The following LIX1 variants were observed in gnomAD, a reference collection of about 807,000 sequenced individuals.
LIX1 encodes protein limb expression 1 homolog.
Under a neutral mutation model 33.4 loss-of-function variants are expected in LIX1, and 24 were observed. The observed-to-expected ratio is 0.72, with a 90% CI of 0.52 to 1.01. LIX1 has a LOEUF of 1.01. LIX1 is among the 50% of genes least tolerant of loss of function. LIX1 has a pLI of 0.00. For missense variants in LIX1, 311 were observed against 339.2 expected, an observed-to-expected ratio of 0.92 and a Z score of 0.65; for synonymous variants, 124 against 124.0, an observed-to-expected ratio of 1.00 and a Z score of 0.00.
At chr5:97,140,714 C>A (rs1343142470) in intron 1 of LIX1, among the ~76,000 whole-genome samples, 1 of 152,164 alleles carries the variant, frequency 6.6e-6, no homozygotes, top group Non-Finnish European at 1.5e-5. Flanking sequence ...AGGAAAACTC[C>A]TGGTACAGAA....
At chr5:97,125,119 C>T (rs556924509) in intron 1 of LIX1, among the ~76,000 whole-genome samples, 3 of 152,276 alleles carry the variant, frequency 2.0e-5, no homozygotes, top group Non-Finnish European at 2.9e-5. Flanking sequence ...CTCTTTCATG[C>T]TCCTTCCACC....
intron 4 of LIX1, among the ~76,000 whole-genome samples, chr5:97,100,791 T>A (rs988675552): frequency 2.0e-5 from 3 of 151,474 alleles, no homozygotes; most frequent in African/African-American, 7.3e-5. Context: ...AGGAAGTTAG[T>A]GTAGTCAGGT....
At position 97,105,300 on chromosome 5, in the gene LIX1, C is replaced by A. The variant is rs1012688350; in HGVS notation, c.388-15G>T. The stretch of plus-strand genomic sequence containing the variant: ...TCTAAGGTGCCCTTGGGAAAGAAAG[C>A]AGAAAAAGAAAAATTACTGATTTTT... On this transcript the variant is annotated splice_polypyrimidine_tract_variant and intron_variant, in intron 3 of 5. Coordinates refer to ENST00000274382, the MANE Select transcript of LIX1 (RefSeq NM_153234.5). 1 of 1,605,678 alleles carries A rather than the reference C, an allele frequency of 6.2e-7. No individual in the cohort carries two copies. Among genetic ancestry groups the A allele is most frequent in the South Asian group, 1.1e-5 (1 of 90,690 alleles).
intron 2 of LIX1, among the ~76,000 whole-genome samples, chr5:97,120,765 G>A (rs1747759311): frequency 6.6e-6 from 1 of 152,166 alleles, no homozygotes; most frequent in Non-Finnish European, 1.5e-5. Flanking sequence ...TTTATTGCCA[G>A]AGTAAGGAAT....
chr5:97,095,925 C>G (rs1358332066), intron 5 of LIX1, among the ~76,000 whole-genome samples: 1 of 152,026 alleles, frequency 6.6e-6, no homozygotes, highest in African/African-American at 2.4e-5. Flanking sequence ...AAAAACAAAA[C>G]CAAAGCCATT....
intron 1 of LIX1, among the ~76,000 whole-genome samples, chr5:97,126,693 G>A (rs145396409): frequency 0.011 from 1,617 of 141,760 alleles, 24 homozygotes; most frequent in African/African-American, 0.041. Flanking sequence ...AGGCTGGAGT[G>A]CAGTGGCACG....
At chr5:97,113,760 A>G (rs1403699609) in intron 2 of LIX1, among the ~76,000 whole-genome samples, 4 of 152,244 alleles carry the variant, frequency 2.6e-5, no homozygotes, top group African/African-American at 9.6e-5. Context: ...AAGGTCACAT[A>G]GCACTCTCTA....
chr5:97,120,874 T>A (rs916965043), intron 2 of LIX1, among the ~76,000 whole-genome samples: 1 of 152,182 alleles, frequency 6.6e-6, no homozygotes, highest in African/African-American at 2.4e-5. Flanking sequence ...TTGCAAAGAT[T>A]GTAAAGAGTT....
intron 2 of LIX1, among the ~76,000 whole-genome samples, chr5:97,108,649 T>A (rs1382531138): frequency 2.0e-5 from 3 of 152,072 alleles, no homozygotes; most frequent in Non-Finnish European, 4.4e-5. Flanking sequence ...GTGTCTAGGA[T>A]CTTGGACTCC....
chr5:97,114,114 C>T (rs760203732), intron 2 of LIX1, among the ~76,000 whole-genome samples: 4 of 152,132 alleles, frequency 2.6e-5, no homozygotes, highest in African/African-American at 4.8e-5. Flanking sequence ...TGATGAAGTA[C>T]GGGGCCAAGA....
intron 4 of LIX1, among the ~76,000 whole-genome samples, chr5:97,103,859 G>T (rs1181252877): frequency 2.0e-5 from 3 of 151,916 alleles, no homozygotes; most frequent in Admixed American, 1.3e-4. Flanking sequence ...CAGCTACTCA[G>T]GAGGCTGAGG....
intron 1 of LIX1, among the ~76,000 whole-genome samples, chr5:97,131,967 C>T (rs775773927): frequency 5.3e-5 from 8 of 152,222 alleles, no homozygotes; most frequent in Non-Finnish European, 1.2e-4. Context: ...GCTGCCTACT[C>T]ACTTGGGTTG....
At chr5:97,131,693 C>G (rs78374591) in intron 1 of LIX1, among the ~76,000 whole-genome samples, 1 of 152,250 alleles carries the variant, frequency 6.6e-6, no homozygotes, top group African/African-American at 2.4e-5. Flanking sequence ...CACCTAGAAG[C>G]AGTCATTGAA....
intron 1 of LIX1, among the ~76,000 whole-genome samples, chr5:97,141,127 ATT>A (rs11294778): frequency 2.0e-5 from 3 of 149,484 alleles, no homozygotes; most frequent in Non-Finnish European, 3.0e-5. Flanking sequence ...CGTCCCCCCT[ATT>A]TTTTTTTTAA....
chr5:97,120,034 G>A (rs982942918), intron 2 of LIX1, among the ~76,000 whole-genome samples: 1 of 152,052 alleles, frequency 6.6e-6, no homozygotes, highest in Admixed American at 6.6e-5. Flanking sequence ...CTAAGAGTCG[G>A]GTGGGGAAAA....
intron 1 of LIX1, among the ~76,000 whole-genome samples, chr5:97,138,411 C>T (rs1748213445): frequency 6.6e-6 from 1 of 152,198 alleles, no homozygotes; most frequent in Non-Finnish European, 1.5e-5. Context: ...TGGTTTCTTG[C>T]TAAGAAAAAG....
At chr5:97,114,773 G>A (rs1385692161) in intron 2 of LIX1, among the ~76,000 whole-genome samples, 1 of 152,162 alleles carries the variant, frequency 6.6e-6, no homozygotes, top group African/African-American at 2.4e-5. Flanking sequence ...ACCAAGTTTT[G>A]TGGGGCCTGA....
In LIX1 at chr5:97,094,997, T is replaced by C; in HGVS notation, c.600A>G (p.Glu200=). 1 of 1,614,124 alleles carries C rather than the reference T, an allele frequency of 6.2e-7. No homozygotes were observed. Among genetic ancestry groups the C allele is most frequent in the Non-Finnish European group, 8.5e-7 (1 of 1,180,020 alleles). ...ISYYSQYSLD[E]KMRSHMALDW... is the part of the protein sequence containing the mutation. ...CCAGGGCCATGTGGCTGCGCATCTT[T>C]TCATCTAGAGAATACTGAGAATAGT... Residue 200 remains glutamate (E), a synonymous_variant, in exon 6 of 6, where the codon GAA becomes GAG. Coordinates refer to ENST00000274382, the MANE Select transcript of LIX1 (RefSeq NM_153234.5).
chr5:97,120,775 T>G (rs1747759541), intron 2 of LIX1, among the ~76,000 whole-genome samples: 1 of 152,128 alleles, frequency 6.6e-6, no homozygotes, highest in Admixed American at 6.5e-5. Flanking sequence ...GAGTAAGGAA[T>G]GTATGCTTTA....
Sources: allele counts gnomAD v4.1 joint callset (sites outside exome capture counted in the v4.1 genomes callset), GRCh38; gene constraint gnomAD v4.1.1; transcripts MANE v1.5; gene names NCBI Gene and HGNC (gene_info 2026-07-23, HGNC 2026-07-21).